The following DACH2 variants were observed in gnomAD, a reference collection of about 807,000 sequenced individuals.
The protein encoded by DACH2 is dachshund homolog 2.
In DACH2, 17 loss-of-function variants were observed where a neutral mutation model predicts 35.8. That is an observed-to-expected ratio of 0.48 (90% CI 0.33 to 0.71). The LOEUF is 0.71. Ranked by LOEUF, DACH2 falls within the 30% of genes least tolerant of loss-of-function variation. The pLI is 0.02. For synonymous variants in DACH2, 195 were observed against 177.3 expected (o/e 1.10, Z -0.79); for missense variants, 469 against 472.7 (o/e 0.99, Z 0.07).
chrX:86,336,127 G>C (rs969364120), intron 1 of DACH2, among the ~76,000 whole-genome samples: 1 of 111,787 alleles, frequency 8.9e-6, no homozygotes, highest in South Asian at 3.8e-4. Context: ...TAAGCTTTTT[G>C]ATGTGCTGTT....
chrX:86,544,481 C>A (rs2038930732), intron 3 of DACH2, among the ~76,000 whole-genome samples: 1 of 111,418 alleles, frequency 9.0e-6, no homozygotes, highest in Non-Finnish European at 1.9e-5. Flanking sequence ...AGATTAAGGG[C>A]CTATATTCAG....
chrX:86,803,504 T>C (rs188653489), intron 7 of DACH2, among the ~76,000 whole-genome samples: 101 of 111,323 alleles, frequency 9.1e-4, no homozygotes, highest in Non-Finnish European at 1.7e-3. Context: ...TATTTGTAAA[T>C]AAATAAATAC....
At chrX:86,468,607 G>T (rs750740726) in intron 2 of DACH2, among the ~76,000 whole-genome samples, 1 of 111,745 alleles carries the variant, frequency 8.9e-6, no homozygotes, top group East Asian at 2.8e-4. Context: ...TTCCAGTGAA[G>T]ATATCAGTAG....
intron 2 of DACH2, among the ~76,000 whole-genome samples, chrX:86,452,039 G>A (rs1022831494): frequency 5.4e-5 from 6 of 111,598 alleles, no homozygotes; most frequent in African/African-American, 2.0e-4. Flanking sequence ...AACATAAAGG[G>A]ATGTTGAATT....
intron 2 of DACH2, among the ~76,000 whole-genome samples, chrX:86,433,931 G>C (rs768455099): frequency 9.0e-6 from 1 of 111,661 alleles, no homozygotes; most frequent in South Asian, 3.7e-4. Context: ...CCAAATCTTT[G>C]TGAGAACTGT....
chrX:86,698,521 G>GTTTTTTT (rs767152609), intron 5 of DACH2, among the ~76,000 whole-genome samples: 850 of 32,903 alleles, frequency 0.026, 239 homozygotes, highest in Middle Eastern at 0.091. Flanking sequence ...TTAGTTTTGT[G>GTTTTTTT]TTTTTTTTTT....
chrX:86,832,086 T>G lies in DACH2; in HGVS notation c.1751-20T>G. On this transcript the variant is annotated intron_variant, in intron 11 of 11. Coordinates refer to ENST00000373125, the MANE Select transcript of DACH2 (RefSeq NM_053281.3). ...AGAATGACTCTTCATAAGAACTAAC[T>G]TGTTTTCTTTTTTTTTAAGGAGGTA... 1 of 1,133,221 alleles carries G rather than the reference T, an allele frequency of 8.8e-7. No individual in the cohort carries two copies. 93.4% of individuals were successfully genotyped at this position (1,133,221 alleles called of 1,213,427 possible). A position where few individuals can be genotyped will look rare whatever the true frequency, so the allele number is the denominator to read the frequency against.
At chrX:86,283,587 A>C (rs1015470802) in intron 1 of DACH2, among the ~76,000 whole-genome samples, 3 of 110,681 alleles carry the variant, frequency 2.7e-5, no homozygotes, top group African/African-American at 9.9e-5. Flanking sequence ...AGGGAGATGG[A>C]TGAAGCTGGA....
intron 2 of DACH2, among the ~76,000 whole-genome samples, chrX:86,391,004 G>C (rs1181142818): frequency 9.1e-6 from 1 of 109,786 alleles, no homozygotes; most frequent in Non-Finnish European, 1.9e-5. Context: ...TTCTTGGCCC[G>C]GTGCAGTGGC....
intron 2 of DACH2, among the ~76,000 whole-genome samples, chrX:86,473,376 G>A (rs2037790658): frequency 9.0e-6 from 1 of 110,593 alleles, no homozygotes; most frequent in Non-Finnish European, 1.9e-5. Flanking sequence ...CAATCCAACT[G>A]AACTCTTTTG....
chrX:86,663,630 T>A (rs1185294823), intron 4 of DACH2, among the ~76,000 whole-genome samples: 1 of 111,710 alleles, frequency 9.0e-6, no homozygotes, highest in African/African-American at 3.2e-5. Flanking sequence ...TACCTCATTC[T>A]TTTCTGAACC....
At chrX:86,286,793 CTT>C (rs2034160593) in intron 1 of DACH2, among the ~76,000 whole-genome samples, 1 of 111,912 alleles carries the variant, frequency 8.9e-6, no homozygotes, top group Admixed American at 9.5e-5. Flanking sequence ...AACTTTTAAA[CTT>C]TTAGTTGTTT....
intron 1 of DACH2, among the ~76,000 whole-genome samples, chrX:86,226,273 A>G (rs1410460376): frequency 1.6e-4 from 18 of 111,848 alleles, no homozygotes; most frequent in Admixed American, 1.5e-3. Context: ...ATGTGACTGT[A>G]TCTTCTTTCA....
chrX:86,334,384 A>G (rs1484907445), intron 1 of DACH2, among the ~76,000 whole-genome samples: 1 of 112,082 alleles, frequency 8.9e-6, no homozygotes, highest in East Asian at 2.8e-4. Flanking sequence ...AACAGTGTAA[A>G]AGCATTCCTA....
intron 3 of DACH2, among the ~76,000 whole-genome samples, chrX:86,598,801 T>TTC (rs2039746202): frequency 9.1e-6 from 1 of 110,126 alleles, no homozygotes; most frequent in African/African-American, 3.3e-5. Context: ...TTCTTTTCTT[T>TTC]TTTTTTTTTG....
intron 1 of DACH2, among the ~76,000 whole-genome samples, chrX:86,237,516 G>T (rs1288212991): frequency 2.7e-5 from 3 of 111,018 alleles, no homozygotes; most frequent in East Asian, 5.7e-4. Flanking sequence ...GATCCCTGGG[G>T]TGTGCTTTGT....
At chrX:86,701,408 T>C (rs756732008) in intron 5 of DACH2, among the ~76,000 whole-genome samples, 1 of 111,539 alleles carries the variant, frequency 9.0e-6, no homozygotes, top group Admixed American at 9.5e-5. Flanking sequence ...AACATCACAC[T>C]GAACTGGCAA....
At chrX:86,343,301 G>T (rs2035443391) in intron 1 of DACH2, among the ~76,000 whole-genome samples, 1 of 111,500 alleles carries the variant, frequency 9.0e-6, no homozygotes, top group Admixed American at 9.6e-5. Flanking sequence ...GTTATCGAAA[G>T]TGGTTGTGGG....
At chrX:86,606,196 A>C (rs2039855431) in intron 3 of DACH2, among the ~76,000 whole-genome samples, 2 of 110,768 alleles carry the variant, frequency 1.8e-5, no homozygotes, top group African/African-American at 3.3e-5. Flanking sequence ...CTTCTGCTCT[A>C]ATCTTTATTA....
Sources: allele counts gnomAD v4.1 joint callset (sites outside exome capture counted in the v4.1 genomes callset), GRCh38; gene constraint gnomAD v4.1.1; transcripts MANE v1.5; gene names NCBI Gene and HGNC (gene_info 2026-07-23, HGNC 2026-07-21).